CRAT: variants seen among roughly 807,000 people sequenced by gnomAD.
CRAT encodes carnitine O-acetyltransferase.
Under a neutral mutation model 73.7 loss-of-function variants are expected in CRAT, and 66 were observed. The observed-to-expected ratio is 0.90, with a 90% confidence interval of 0.73 to 1.10. The LOEUF is 1.10. Among genes scored for constraint, CRAT ranks in the 50% least tolerant of loss-of-function variants. The pLI, the probability that CRAT is intolerant of heterozygous loss-of-function variation, is 0.00. For missense variants in CRAT, 745 were observed against 846.9 expected, an observed-to-expected ratio of 0.88 and a Z score of 1.49; for synonymous variants, 321 against 343.2, an observed-to-expected ratio of 0.94 and a Z score of 0.71.
At position 129,098,365 on chromosome 9, in the gene CRAT, G is replaced by A. The variant is rs569811614; in HGVS notation, c.1212C>T (p.Ile404=). 11 of 1,613,844 alleles carry A rather than the reference G, an allele frequency of 6.8e-6. No individual in the cohort carries two copies. The South Asian group carries it at 7.7e-5, about 11-fold the overall frequency. Residue 404 remains isoleucine (I), a synonymous_variant, in exon 10 of 14, where the codon ATC becomes ATT. Coordinates refer to ENST00000318080, the MANE Select transcript of CRAT (RefSeq NM_000755.5). ...CCATCACGGTGATATCCAGGTCCTGGATCATGCTGGGGGTGTGGGAAGAGC... is the reference window on the plus strand; with the variant it reads ...CCATCACGGTGATATCCAGGTCCTGAATCATGCTGGGGGTGTGGGAAGAGC... ...EKAKQNLSIM[I]QDLDITVMVF...
Position 129,102,181 on chromosome 9 carries a change from T to G in CRAT, c.631-124A>C, listed in dbSNP as rs1312410783. On this transcript the variant is annotated intron_variant, in intron 5 of 13. Transcript: ENST00000318080. Reference sequence around the variant, plus strand: ...GGAGGGGATGGAGTCAGGCCAAGGGTGAGAGGGGGAGGAGGTCCTTGGATC... The same window carrying G: ...GGAGGGGATGGAGTCAGGCCAAGGGGGAGAGGGGGAGGAGGTCCTTGGATC... The G allele has an allele frequency of 8.9e-6, 11 of 1,239,096 alleles. No homozygotes were observed. In the African/African-American group the frequency reaches 1.5e-4, roughly 17 times the overall value. 76.8% of individuals were successfully genotyped at this position (1,239,096 alleles called of 1,614,324 possible).
In CRAT at chr9:129,098,000, C is replaced by T. The variant is rs1319285164; in HGVS notation, c.1464+13G>A. On this transcript the variant is annotated intron_variant, in intron 11 of 13. Coordinates refer to ENST00000318080, the MANE Select transcript of CRAT (RefSeq NM_000755.5). ...CAGGCCCAGCTCACCCACCCTCGCC[C>T]CAGACCTCTCACCGTGACGCTGGAG... 6.2e-7 allele frequency: 1 copy of T among 1,612,050 alleles called. No homozygotes were observed. The highest frequency in any genetic ancestry group is 8.5e-7 in the Non-Finnish European group (1 of 1,179,332).
rs759503846 is a variant in CRAT at position 129,101,932 on chromosome 9, G to A, written c.756C>T (p.Thr252=). The change falls in exon 6 of 14, where the codon ACC becomes ACT. Residue 252 remains threonine (T), a synonymous_variant. Transcript: ENST00000318080. ...TGGCCCAGGAGTTGCGGTGGTTGGAGGTGAGGATGCCCACAGGCTCCTTGT... is the reference window on the plus strand; with the variant it reads ...TGGCCCAGGAGTTGCGGTGGTTGGAAGTGAGGATGCCCACAGGCTCCTTGT... The part of the protein sequence containing the change: ...QTNKEPVGIL[T]SNHRNSWAKA... 2.5e-6 allele frequency: 4 copies of A among 1,614,060 alleles called. No individual in the cohort carries two copies. The highest frequency in any genetic ancestry group is 3.3e-5 in the Admixed American group (2 of 60,004).
chr9:129,101,882 C>T lies in CRAT; in HGVS notation c.805+1G>A. The T allele has an allele frequency of 1.2e-6, 2 of 1,613,468 alleles. No homozygotes were observed. The highest frequency in any genetic ancestry group is 1.7e-6 in the Non-Finnish European group (2 of 1,179,760). On this transcript the variant is annotated splice_donor_variant, in intron 6 of 13. Transcript: ENST00000318080. LOFTEE classifies it high-confidence loss of function. ...GCCCCAGCACGGCCCCCAAGAGGCA[C>T]CTTTGATGAGGGTGTTGTATGCCTT... is the stretch of plus-strand genomic sequence containing the variant.
Position 129,099,904 on chromosome 9 carries a change from G to A in CRAT, c.1047C>T (p.Pro349=). 1 of 1,613,764 alleles carries A rather than the reference G, an allele frequency of 6.2e-7. No homozygotes were observed. The highest frequency in any genetic ancestry group is 8.5e-7 in the Non-Finnish European group (1 of 1,179,964). ...LVYEHAAAEG[P]PIVTLLDYVI... ...CATAGTCCAGAAGGGTGACAATAGGGGGCCCCTCCGCTGCAGCATGCTCGT... is the reference window on the plus strand; with the variant it reads ...CATAGTCCAGAAGGGTGACAATAGGAGGCCCCTCCGCTGCAGCATGCTCGT... The change falls in exon 8 of 14, where the codon CCC becomes CCT. Residue 349 remains proline (P), a synonymous_variant. Transcript: ENST00000318080.
At chr9:129,095,729 G>T in intron 13 of CRAT, 117 bp from the exon 14 acceptor site, 1 of 1,104,188 alleles carries the variant, frequency 9.1e-7, no homozygotes, top group Non-Finnish European at 1.3e-6. Context: ...ATCATGGTCT[G>T]TCCCCTGCTA....
In CRAT at chr9:129,104,314, A is replaced by T. The variant is rs761350360; in HGVS notation, c.292-8T>A. Reference sequence around the variant, plus strand: ...GAGCCACCACTCAGACAGCTGGGAAAAGTGCCAGAGCCTGTCAGGAGGGGT... The same window carrying T: ...GAGCCACCACTCAGACAGCTGGGAATAGTGCCAGAGCCTGTCAGGAGGGGT... On this transcript the variant is annotated splice_polypyrimidine_tract_variant and splice_region_variant and intron_variant, in intron 2 of 13. Coordinates refer to ENST00000318080, the MANE Select transcript of CRAT (RefSeq NM_000755.5). 8.7e-6 allele frequency: 14 copies of T among 1,610,126 alleles called. No homozygotes were observed. Among genetic ancestry groups the T allele is most frequent in the Non-Finnish European group, 1.1e-5 (13 of 1,176,956 alleles).
Position 129,098,349 on chromosome 9 carries a change from T to C in CRAT, c.1228A>G (p.Thr410Ala), listed in dbSNP as rs770200532. The C allele has an allele frequency of 1.2e-6, 2 of 1,613,850 alleles. No individual in the cohort carries two copies. The highest frequency in any genetic ancestry group is 3.3e-5 in the Admixed American group (2 of 60,018). The change falls in exon 10 of 14, where the codon ACC becomes GCC. Residue 410 changes from threonine (T) to alanine (A), a missense_variant. Physicochemically the swap from Thr to Ala is moderately conservative, Grantham distance 58. Coordinates refer to ENST00000318080, the MANE Select transcript of CRAT (RefSeq NM_000755.5). The part of the protein sequence containing the change: ...LSIMIQDLDI[T>A]VMVFHHFGKD... The stretch of plus-strand genomic sequence containing the variant: ...CCAAAATGGTGGAACACCATCACGG[T>C]GATATCCAGGTCCTGGATCATGCTG...
chr9:129,097,447 G>A (rs1390167910), intron 11 of CRAT, 135 bp from the exon 12 acceptor site: 4 of 628,670 alleles, frequency 6.4e-6, no homozygotes, highest in South Asian at 4.6e-5. Context: ...GGTGGCTCAC[G>A]CCTGTAATCC....
rs756841388 is a variant in CRAT, at chr9:129,098,172, C to T, written c.1329-24G>A. ...TCCTGGTGGGAAATGGGGCTAAGCA[C>T]GCCCCTTGGAGGCGGGCACCCCCTC... is the stretch of plus-strand genomic sequence containing the variant. On this transcript the variant is annotated intron_variant, in intron 10 of 13. Transcript: ENST00000318080. 13 of 1,613,220 alleles carry T rather than the reference C, an allele frequency of 8.1e-6. No individual in the cohort carries two copies. The East Asian group carries it at 8.9e-5, about 11-fold the overall frequency.
chr9:129,109,259 C>A (rs1221367228), intron 1 of CRAT: 2 of 1,304,174 alleles, frequency 1.5e-6, no homozygotes, highest in Admixed American at 4.6e-5. Flanking sequence ...GAGGTTACAC[C>A]ACAGCCCTGG....
chr9:129,108,958 T>C (rs1848193369), intron 1 of CRAT: 1 of 1,243,874 alleles, frequency 8.0e-7, no homozygotes, highest in Non-Finnish European at 1.0e-6. Flanking sequence ...GCAGTGGCGA[T>C]GGCTGTGGTG....
Position 129,100,633 on chromosome 9 carries a change from G to C in CRAT, c.862C>G (p.Leu288Val). ...SIQKSIFTVC[L>V]DATMPRVSED... ...GAGACCCTGGGCATGGTTGCATCTA[G>C]GCACACGGTGAAGATGCTCTTCTGG... Residue 288 changes from leucine (L) to valine (V), a missense_variant, in exon 7 of 14, where the codon CTA (leucine) becomes GTA (valine). Transcript: ENST00000318080. The C allele has an allele frequency of 6.2e-7, 1 of 1,614,064 alleles. No individual in the cohort carries two copies. The highest frequency in any genetic ancestry group is 8.5e-7 in the Non-Finnish European group (1 of 1,179,980).
At position 129,099,773 on chromosome 9, in the gene CRAT, G is replaced by C. The variant is rs878969888; in HGVS notation, c.1085+93C>G. ...AAAAAACAGATTCCCAGGCACAAAG[G>C]AGAGTGATATTTCTCTATAAGCTGG... is the stretch of plus-strand genomic sequence containing the variant. On this transcript the variant is annotated intron_variant, in intron 8 of 13. Transcript: ENST00000318080. 1.3e-4 allele frequency: 126 copies of C among 1,003,552 alleles called. No individual in the cohort carries two copies. In the South Asian group the frequency reaches 1.9e-3, roughly 15 times the overall value. 62.2% of individuals were successfully genotyped at this position (1,003,552 alleles called of 1,614,324 possible).
chr9:129,110,684 G>T lies in CRAT; in HGVS notation c.-175C>A. 1.2e-6 allele frequency: 1 copy of T among 805,258 alleles called. No homozygotes were observed. Among genetic ancestry groups the T allele is most frequent in the Non-Finnish European group, 1.8e-6 (1 of 555,532 alleles). 49.9% of individuals were successfully genotyped at this position (805,258 alleles called of 1,614,324 possible). On this transcript the variant is annotated 5_prime_UTR_variant, in exon 1 of 14. Coordinates refer to ENST00000318080, the MANE Select transcript of CRAT (RefSeq NM_000755.5). This position sits in a 1 kb window ranked among gnomAD's most constrained non-coding sequence, Gnocchi z 5.3. The stretch of plus-strand genomic sequence containing the variant: ...GCCCCGCGCCCACCCTCTGGGCCGA[G>T]CGGGCTGCGGGAAGGCACCCGGGGA...
rs769855775 is a variant in CRAT at position 129,098,514 on chromosome 9, C to T, written c.1205+17G>A. 1.1e-5 allele frequency: 17 copies of T among 1,601,600 alleles called. No individual in the cohort carries two copies. The highest frequency in any genetic ancestry group is 1.7e-5 in the Admixed American group (1 of 57,296). ...CCTCACCCATCCAGCACAGGGATGG[C>T]GGGGGCAGGCACTTACATGCTGAGG... On this transcript the variant is annotated intron_variant, in intron 9 of 13. Coordinates refer to ENST00000318080, the MANE Select transcript of CRAT (RefSeq NM_000755.5).
At chr9:129,109,274 G>C (rs1247833642) in intron 1 of CRAT, 1 of 1,304,110 alleles carries the variant, frequency 7.7e-7, no homozygotes, top group Non-Finnish European at 1.0e-6. Flanking sequence ...CCCTGGGATC[G>C]GTCCTGAAAT....
Position 129,100,581 on chromosome 9 carries a change from G to A in CRAT, c.914C>T (p.Ala305Val). Residue 305 changes from alanine to valine, a missense_variant, in exon 7 of 14, where the codon GCA becomes GTA. Physicochemically the swap from Ala to Val is moderately conservative, Grantham distance 64. Coordinates refer to ENST00000318080, the MANE Select transcript of CRAT (RefSeq NM_000755.5). ...GCCGCCCCCATGCAGCATCTGGCCTGCCACGTGGCTGCGGTACACGTCTTC... is the reference window on the plus strand; with the variant it reads ...GCCGCCCCCATGCAGCATCTGGCCTACCACGTGGCTGCGGTACACGTCTTC... ...VSEDVYRSHV[A>V]GQMLHGGGSR... 3.1e-6 allele frequency: 5 copies of A among 1,614,016 alleles called. No individual in the cohort carries two copies. The highest frequency in any genetic ancestry group is 4.2e-6 in the Non-Finnish European group (5 of 1,179,996).
rs765608988 is a variant in CRAT, at chr9:129,099,925, C to T, written c.1026G>A (p.Glu342=). The change falls in exon 8 of 14, where the codon GAG becomes GAA. Residue 342 remains glutamate, a synonymous_variant. Transcript: ENST00000318080. ...AEDGSCGLVY[E]HAAAEGPPIV... ...TAGGGGGCCCCTCCGCTGCAGCATGCTCGTACACAAGCCCACAGGAGCCAT... is the reference window on the plus strand; with the variant it reads ...TAGGGGGCCCCTCCGCTGCAGCATGTTCGTACACAAGCCCACAGGAGCCAT... The T allele has an allele frequency of 1.2e-6, 2 of 1,613,706 alleles. No individual in the cohort carries two copies. The highest frequency in any genetic ancestry group is 4.5e-5 in the East Asian group (2 of 44,870).
Sources: gnomAD v4.1 joint callset for allele counts on GRCh38, gnomAD v4.1.1 for gene constraint, Gnocchi (gnomAD v3.1) non-coding constraint, MANE v1.5 for transcripts, NCBI Gene and HGNC (gene_info 2026-07-23, HGNC 2026-07-21) for gene names.